Variants in EIF3G observed in about 807,000 individuals in gnomAD.
EIF3G encodes the protein eukaryotic translation initiation factor 3 RNA-binding subunit.
A neutral mutation model predicts 41.7 loss-of-function variants in EIF3G; 10 were observed. That is an observed-to-expected ratio of 0.24 (90% CI 0.15 to 0.41). The LOEUF (loss-of-function observed/expected upper bound fraction) is 0.41. Among genes scored for constraint, EIF3G ranks in the 10% least tolerant of loss-of-function variants. The pLI, the probability that EIF3G is intolerant of heterozygous loss-of-function variation, is 1.00. For synonymous variants in EIF3G, 204 were observed against 172.5 expected, an observed-to-expected ratio of 1.18 and a Z score of -1.43; for missense variants, 297 against 444.0, an observed-to-expected ratio of 0.67 and a Z score of 2.98.
intron 2 of EIF3G, 117 bp from the exon 3 acceptor site, chr19:10,119,288 G>T: frequency 8.4e-7 from 1 of 1,191,978 alleles, no homozygotes; most frequent in Non-Finnish European, 1.2e-6. Context: ...CAGGCCAAGG[G>T]CAGAGGGCTG....
At chr19:10,115,342 AAAAC>A (rs1174245453) in intron 10 of EIF3G, 133 bp downstream of exon 10, 34 of 1,199,976 alleles carry the variant, frequency 2.8e-5, no homozygotes, top group Admixed American at 5.5e-5. Flanking sequence ...GTTTTGGAAA[AAAAC>A]AATAAAGGAC....
Position 10,116,909 on chromosome 19 carries a change from G to A in EIF3G, c.486C>T (p.Gly162=), listed in dbSNP as rs751110674. The A allele has an allele frequency of 1.1e-5, 18 of 1,613,960 alleles. No individual in the cohort carries two copies. The highest frequency in any genetic ancestry group is 1.3e-5 in the African/African-American group (1 of 74,992). Reference sequence around the variant, plus strand: ...AGGGGCAGCGGGTGGTCCAGTGGTCGCCCTTGCAGATGCGGCAGGACACGA... The same window carrying A: ...AGGGGCAGCGGGTGGTCCAGTGGTCACCCTTGCAGATGCGGCAGGACACGA... ...QKIVSCRICK[G]DHWTTRCPYK... is the part of the protein sequence containing the mutation. The change falls in exon 7 of 11, where the codon GGC becomes GGT. Residue 162 remains glycine, a synonymous_variant. Coordinates refer to ENST00000253108, the MANE Select transcript of EIF3G (RefSeq NM_003755.5). The surrounding 1 kb of genome is among the most constrained non-coding windows in gnomAD (Gnocchi z 4.1).
intron 2 of EIF3G, 155 bp downstream of exon 2, chr19:10,119,499 C>T (rs757045347): frequency 1.0e-6 from 1 of 974,534 alleles, no homozygotes. Flanking sequence ...CCGGGGAACA[C>T]CTGGAGTTGG....
intron 5 of EIF3G, chr19:10,117,719 C>T (rs2089271732): frequency 6.6e-6 from 1 of 152,384 alleles, no homozygotes; most frequent in South Asian, 2.1e-4. Flanking sequence ...CTGCGACCAC[C>T]TCCTGCTTCC....
intron 5 of EIF3G, 48 bp from the exon 6 acceptor site, chr19:10,117,236 G>T: frequency 6.8e-7 from 1 of 1,467,184 alleles, no homozygotes; most frequent in South Asian, 1.2e-5. Context: ...GGGCAGGCTG[G>T]GTTCCACAGT....
At chr19:10,117,438 C>A (rs1034227144) in intron 5 of EIF3G, 5 of 468,124 alleles carry the variant, frequency 1.1e-5, no homozygotes, top group Non-Finnish European at 1.9e-5. Flanking sequence ...GTGGGGCCTG[C>A]GCAGTCTGGC....
Position 10,117,006 on chromosome 19 carries a change from G to A in EIF3G, c.406-17C>T. The A allele has an allele frequency of 1.2e-6, 2 of 1,604,570 alleles. No individual in the cohort carries two copies. The highest frequency in any genetic ancestry group is 1.7e-6 in the Non-Finnish European group (2 of 1,173,648). On this transcript the variant is annotated splice_polypyrimidine_tract_variant and intron_variant, in intron 6 of 10. Coordinates refer to ENST00000253108, the MANE Select transcript of EIF3G (RefSeq NM_003755.5). ...GTTCAGGTCCTGGCAGGGGCGGGTT[G>A]GGGGGAGCTCAGAGGCGGCTAAGGC...
At position 10,118,933 on chromosome 19, in the gene EIF3G, C is replaced by A. The variant is rs1405452039; in HGVS notation, c.175G>T (p.Val59Phe). The A allele has an allele frequency of 1.2e-6, 2 of 1,613,992 alleles. No homozygotes were observed. The highest frequency in any genetic ancestry group is 2.7e-5 in the African/African-American group (2 of 74,908). The change falls in exon 4 of 11, where the codon GTC (valine) becomes TTC (phenylalanine). Residue 59 changes from valine (V) to phenylalanine (F), a missense_variant. Transcript: ENST00000253108. ...ACTGTCTTTATGTTTCCGTTGATGA[C>A]CTCCTTGGGAGGCGGCAGTGGAGCT... ...PGAPLPPPKE[V>F]INGNIKTVTE...
At chr19:10,119,238 G>C (rs1188933660) in intron 2 of EIF3G, 67 bp from the exon 3 acceptor site, 1 of 1,509,236 alleles carries the variant, frequency 6.6e-7, no homozygotes, top group South Asian at 1.2e-5. Flanking sequence ...TGCGATGGAA[G>C]GGCTTTTGGG....
Position 10,116,016 on chromosome 19 carries a change from C to T in EIF3G, c.654G>A (p.Leu218=), listed in dbSNP as rs372065668. 82 of 1,613,706 alleles carry T rather than the reference C, an allele frequency of 5.1e-5. No individual in the cohort carries two copies. Among genetic ancestry groups the T allele is most frequent in the Non-Finnish European group, 5.6e-5 (66 of 1,179,898 alleles). ...NKTGKYVPPS[L]RDGASRRGES... is the part of the protein sequence containing the mutation. The stretch of plus-strand genomic sequence containing the variant: ...CCCCGCGGCGGCTGGCCCCGTCGCG[C>T]AGGCTCGGCGGCACATACTTCCCTG... The change falls in exon 8 of 11, where the codon CTG becomes CTA. Residue 218 remains leucine (L), a synonymous_variant. Transcript: ENST00000253108. This position sits in a 1 kb window ranked among gnomAD's most constrained non-coding sequence, Gnocchi z 4.1.
intron 5 of EIF3G, chr19:10,117,421 A>C: frequency 1.9e-6 from 1 of 539,490 alleles, no homozygotes; most frequent in East Asian, 3.0e-5. Context: ...GGTGACAGCT[A>C]CACAGCGTGG....
In EIF3G at chr19:10,116,822, G is replaced by A. The variant is rs1343386787; in HGVS notation, c.573C>T (p.Gly191=). ...ELAEQLGLST[G]EKEKLPGELE... ...CACCTCCCGGCAGCTTCTCCTTCTC[G>A]CCAGTAGACAGGCCCAGCTGCTCGG... The change falls in exon 7 of 11, where the codon GGC becomes GGT. Residue 191 remains glycine, a synonymous_variant. Coordinates refer to ENST00000253108, the MANE Select transcript of EIF3G (RefSeq NM_003755.5). The surrounding 1 kb of genome is among the most constrained non-coding windows in gnomAD (Gnocchi z 4.1). The A allele has an allele frequency of 1.9e-6, 3 of 1,597,264 alleles. No individual in the cohort carries two copies. Among genetic ancestry groups the A allele is most frequent in the Non-Finnish European group, 1.7e-6 (2 of 1,169,554 alleles).
intron 5 of EIF3G, chr19:10,117,661 G>C (rs1477787603): frequency 6.4e-6 from 1 of 157,104 alleles, no homozygotes; most frequent in African/African-American, 2.4e-5. Context: ...TAAGTGCACA[G>C]CAAGCTGTTC....
At chr19:10,117,748 G>A (rs905510307) in intron 5 of EIF3G, among the ~76,000 whole-genome samples, 3 of 152,208 alleles carry the variant, frequency 2.0e-5, no homozygotes, top group Admixed American at 6.6e-5. Flanking sequence ...AGGTTGACAG[G>A]CCAAGAGGAA....
At chr19:10,119,491 G>T in intron 2 of EIF3G, 163 bp downstream of exon 2, 1 of 923,734 alleles carries the variant, frequency 1.1e-6, no homozygotes, top group Non-Finnish European at 1.7e-6. Flanking sequence ...GGGACCCGCC[G>T]GGGAACACCT....
chr19:10,118,571 A>G, intron 5 of EIF3G, 97 bp downstream of exon 5: 1 of 1,322,848 alleles, frequency 7.6e-7, no homozygotes, highest in Non-Finnish European at 1.1e-6. Flanking sequence ...TCTCAAAAAA[A>G]AAAAAAAAAA....
intron 8 of EIF3G, 30 bp from the exon 9 acceptor site, chr19:10,115,850 G>T: frequency 6.2e-7 from 1 of 1,608,098 alleles, no homozygotes; most frequent in Non-Finnish European, 8.5e-7. Flanking sequence ...TGGCTGTGAG[G>T]GGGAGGACAC....
chr19:10,116,138 C>T lies in EIF3G; in HGVS notation c.596-64G>A. 6.6e-6 allele frequency: 10 copies of T among 1,504,700 alleles called. No individual in the cohort carries two copies. Among genetic ancestry groups the T allele is most frequent in the Non-Finnish European group, 9.1e-6 (10 of 1,101,668 alleles). The allele number at this position is 1,504,700 out of a possible 1,614,324, so 93.2% of individuals were successfully genotyped here. A position where few individuals can be genotyped will look rare whatever the true frequency, so the allele number is the denominator to read the frequency against. ...GCGCAGGCGTGGGGACAGAGCCGCC[C>T]CAGGAAGCTCGGGCTTCAGTGTTGA... On this transcript the variant is annotated intron_variant, in intron 7 of 10. Transcript: ENST00000253108. This position sits in a 1 kb window ranked among gnomAD's most constrained non-coding sequence, Gnocchi z 4.1.
chr19:10,116,273 TGGAGGA>T lies in EIF3G; in HGVS notation c.596-205_596-200del, dbSNP rs918884858. The stretch of plus-strand genomic sequence containing the variant: ...TTGAGCTCCCAGCCAGCGACACTGG[TGGAGGA>T]GGAGGAGGAGGAGCCCCGACCCCAC... On this transcript the variant is annotated intron_variant, in intron 7 of 10. Transcript: ENST00000253108. The surrounding 1 kb of genome is among the most constrained non-coding windows in gnomAD (Gnocchi z 4.1). The T allele has an allele frequency of 9.7e-5, 59 of 608,748 alleles. No individual in the cohort carries two copies. Among genetic ancestry groups the T allele is most frequent in the Middle Eastern group, 3.6e-4 (1 of 2,768 alleles). The allele number at this position is 608,748 out of a possible 1,614,324, so 37.7% of individuals were successfully genotyped here.
Sources: allele counts gnomAD v4.1 joint callset (sites outside exome capture counted in the v4.1 genomes callset), GRCh38; gene constraint gnomAD v4.1.1; non-coding constraint Gnocchi (gnomAD v3.1); transcripts MANE v1.5; gene names NCBI Gene and HGNC (gene_info 2026-07-23, HGNC 2026-07-21).